PLCXD2: variants seen among roughly 807,000 people sequenced by gnomAD.
PLCXD2 encodes phosphatidylinositol specific phospholipase C X domain containing 2.
PLCXD2 carries 21 observed loss-of-function variants against 28.6 expected under a neutral mutation model. The observed-to-expected ratio is 0.73, with a 90% CI of 0.52 to 1.06. PLCXD2 has a LOEUF of 1.06. Ranked by LOEUF, PLCXD2 falls within the 50% of genes least tolerant of loss-of-function variation. PLCXD2 has a pLI of 0.00. For synonymous variants in PLCXD2, 140 were observed against 150.1 expected, an observed-to-expected ratio of 0.93 and a Z score of 0.49; for missense variants, 369 against 376.7, an observed-to-expected ratio of 0.98 and a Z score of 0.17.
At chr3:111,698,872 T>TC (rs1292434810) in intron 1 of PLCXD2, among the ~76,000 whole-genome samples, 1 of 152,176 alleles carries the variant, frequency 6.6e-6, no homozygotes, top group Non-Finnish European at 1.5e-5. Flanking sequence ...CCCCCCCTCC[T>TC]CCCCTGTGAA....
At chr3:111,716,053 G>A in intron 3 of PLCXD2, among the ~76,000 whole-genome samples, 1 of 152,234 alleles carries the variant, frequency 6.6e-6, no homozygotes, top group Middle Eastern at 3.2e-3. Context: ...CTATGCCAGA[G>A]CCCTTGCACT....
chr3:111,711,740 G>A (rs1941202210), intron 2 of PLCXD2, among the ~76,000 whole-genome samples: 2 of 152,182 alleles, frequency 1.3e-5, no homozygotes, highest in Admixed American at 1.3e-4. Context: ...AAAATGGTAA[G>A]AGTACATAAC....
At chr3:111,693,768 CTCAA>C (rs1275984317) in intron 1 of PLCXD2, among the ~76,000 whole-genome samples, 1 of 152,172 alleles carries the variant, frequency 6.6e-6, no homozygotes, top group Non-Finnish European at 1.5e-5. Context: ...AGATGTTCAT[CTCAA>C]TCAGAGAGAA....
intron 1 of PLCXD2, among the ~76,000 whole-genome samples, chr3:111,682,554 A>G (rs1256671579): frequency 6.6e-6 from 1 of 152,246 alleles, no homozygotes; most frequent in Non-Finnish European, 1.5e-5. Flanking sequence ...TTTGTGCGCT[A>G]TAATGCAAAT....
chr3:111,710,675 G>A (rs1175460113), intron 2 of PLCXD2, among the ~76,000 whole-genome samples: 1 of 152,206 alleles, frequency 6.6e-6, no homozygotes, highest in Non-Finnish European at 1.5e-5. Flanking sequence ...TTAGGCTAAT[G>A]AAATACTTTG....
chr3:111,702,615 A>G (rs1941059032), intron 1 of PLCXD2, among the ~76,000 whole-genome samples: 1 of 152,182 alleles, frequency 6.6e-6, no homozygotes. Flanking sequence ...AGCAGCAGAA[A>G]TTACAGTGGG....
chr3:111,698,867 C>G (rs551579156), intron 1 of PLCXD2, among the ~76,000 whole-genome samples: 128 of 152,322 alleles, frequency 8.4e-4, no homozygotes, highest in African/African-American at 3.0e-3. Context: ...TATTTCCCCC[C>G]CTCCTCCCCT....
At chr3:111,706,982 A>G (rs772106174) in intron 1 of PLCXD2, among the ~76,000 whole-genome samples, 7 of 152,258 alleles carry the variant, frequency 4.6e-5, no homozygotes, top group South Asian at 2.1e-4. Flanking sequence ...CAATAGAATA[A>G]TAGTTGCAGA....
At chr3:111,726,130 C>T in intron 3 of PLCXD2, 1 of 359,324 alleles carries the variant, frequency 2.8e-6, no homozygotes, top group African/African-American at 2.1e-5. Context: ...TTAAGCCCAA[C>T]AAGAAGCACA....
At chr3:111,700,785 A>G (rs542409641) in intron 1 of PLCXD2, among the ~76,000 whole-genome samples, 3 of 152,242 alleles carry the variant, frequency 2.0e-5, no homozygotes, top group African/African-American at 7.2e-5. Flanking sequence ...ATGATCTTGG[A>G]TATAACTGAA....
At chr3:111,695,031 G>C (rs1302112960) in intron 1 of PLCXD2, among the ~76,000 whole-genome samples, 1 of 151,986 alleles carries the variant, frequency 6.6e-6, no homozygotes, top group East Asian at 1.9e-4. Context: ...GGAATGTTTT[G>C]ACTGCCTTCG....
chr3:111,708,006 G>A lies in PLCXD2; in HGVS notation c.244G>A (p.Ala82Thr), dbSNP rs748891173. 34 of 1,614,018 alleles carry A rather than the reference G, an allele frequency of 2.1e-5. No individual in the cohort carries two copies. The Admixed American group carries it at 2.3e-4, about 11-fold the overall frequency. ...CCAAACCCAAGCTATCAAACGCCTC[G>A]CCAGGATCTCCTTGGTGAAGAAGCT... is the stretch of plus-strand genomic sequence containing the variant. Residue 82 changes from alanine (A) to threonine (T), a missense_variant, in exon 2 of 5, where the codon GCC (alanine) becomes ACC (threonine). Physicochemically the swap from Ala to Thr is moderately conservative, Grantham distance 58 (BLOSUM62 0). Transcript: ENST00000477665.
chr3:111,693,691 C>T (rs77782893), intron 1 of PLCXD2, among the ~76,000 whole-genome samples: 3,377 of 152,286 alleles, frequency 0.022, 137 homozygotes, highest in African/African-American at 0.077. Flanking sequence ...ATGTTGCTAG[C>T]GCTTTGGGTA....
intron 2 of PLCXD2, among the ~76,000 whole-genome samples, chr3:111,711,038 G>A (rs2107865767): frequency 6.6e-6 from 1 of 152,294 alleles, no homozygotes; most frequent in African/African-American, 2.4e-5. Flanking sequence ...GAAAAAGGGA[G>A]AGCATCATCA....
chr3:111,717,795 T>C (rs1941288614), intron 3 of PLCXD2, among the ~76,000 whole-genome samples: 1 of 152,186 alleles, frequency 6.6e-6, no homozygotes, highest in African/African-American at 2.4e-5. Flanking sequence ...TCAGGTTCAG[T>C]ACTACTGTGT....
At chr3:111,677,829 T>C (rs1370907229) in intron 1 of PLCXD2, among the ~76,000 whole-genome samples, 1 of 152,212 alleles carries the variant, frequency 6.6e-6, no homozygotes, top group Non-Finnish European at 1.5e-5. Context: ...TTTGTCTAAG[T>C]GATTATCACT....
intron 1 of PLCXD2, among the ~76,000 whole-genome samples, chr3:111,700,087 C>T (rs1941019713): frequency 6.6e-6 from 1 of 152,174 alleles, no homozygotes; most frequent in Non-Finnish European, 1.5e-5. Context: ...TTGTCAGCTT[C>T]CGTCCCAGAG....
intron 3 of PLCXD2, chr3:111,725,927 TG>T (rs1941409238): frequency 2.5e-6 from 1 of 398,390 alleles, no homozygotes; most frequent in Non-Finnish European, 4.4e-6. Flanking sequence ...CACAGGATGC[TG>T]GCAAAGCTTA....
In PLCXD2 at chr3:111,675,058, G is replaced by T; in HGVS notation, c.-188G>T. Reference sequence around the variant, plus strand: ...AAGGGAGTGGAGCGGAGGCTGGGCCGGAGAGAGTGGGGACTGTGAGTGCTA... The same window carrying T: ...AAGGGAGTGGAGCGGAGGCTGGGCCTGAGAGAGTGGGGACTGTGAGTGCTA... On this transcript the variant is annotated 5_prime_UTR_variant, in exon 1 of 5. Coordinates refer to ENST00000477665, the MANE Select transcript of PLCXD2 (RefSeq NM_001185106.1). 1.6e-6 allele frequency: 1 copy of T among 615,862 alleles called. No individual in the cohort carries two copies. Among genetic ancestry groups the T allele is most frequent in the Non-Finnish European group, 2.8e-6 (1 of 355,300 alleles). 38.1% of individuals were successfully genotyped at this position (615,862 alleles called of 1,614,324 possible).
Sources: gnomAD v4.1 joint callset for allele counts (sites outside exome capture counted in the v4.1 genomes callset) on GRCh38, gnomAD v4.1.1 for gene constraint, MANE v1.5 for transcripts, NCBI Gene and HGNC (gene_info 2026-07-23, HGNC 2026-07-21) for gene names.